ZNF195: variants seen among roughly 807,000 people sequenced by gnomAD.
ZNF195 encodes the protein zinc finger protein 195, also known as hypoxia-regulated factor-1.
A neutral mutation model predicts 19.5 loss-of-function variants in ZNF195; 11 were observed. The observed-to-expected ratio is 0.57, with a 90% confidence interval of 0.36 to 0.94. The LOEUF (loss-of-function observed/expected upper bound fraction) is 0.94, where lower values mean the gene tolerates loss of function less well. Among genes scored for constraint, ZNF195 ranks in the 40% least tolerant of loss-of-function variants. ZNF195 has a pLI of 0.01. For synonymous variants in ZNF195, 214 were observed against 248.1 expected (o/e 0.86, Z 1.29); for missense variants, 582 against 709.0 (o/e 0.82, Z 2.03).
chr11:3,365,595 A>G (rs1848839634), intron 3 of ZNF195, among the ~76,000 whole-genome samples: 1 of 152,240 alleles, frequency 6.6e-6, no homozygotes, highest in Non-Finnish European at 1.5e-5. Flanking sequence ...TGTAATCTCT[A>G]TCAAATTCCC....
chr11:3,360,068 C>A lies in ZNF195; in HGVS notation c.940G>T (p.Val314Phe), dbSNP rs1316821470. ...GCATAAATTCTATTTTTAGTAAGGA[C>A]TGAGCAAGTTTTAATGACGTTGTTA... ...ECNNVIKTCS[V>F]LTKNRIYAGG... Residue 314 changes from valine to phenylalanine, a missense_variant, in exon 6 of 6, where the codon GTC becomes TTC. Transcript: ENST00000399602. The A allele has an allele frequency of 6.2e-7, 1 of 1,614,102 alleles. No individual in the cohort carries two copies. The highest frequency in any genetic ancestry group is 1.7e-5 in the Admixed American group (1 of 60,020).
chr11:3,368,878 A>G (rs955060795), intron 3 of ZNF195: 8 of 454,922 alleles, frequency 1.8e-5, no homozygotes, highest in African/African-American at 1.0e-4. Flanking sequence ...AATACCCGCA[A>G]TCAAAATAAT....
At chr11:3,377,897 G>A (rs1159113377) in intron 1 of ZNF195, 2 of 986,962 alleles carry the variant, frequency 2.0e-6, no homozygotes, top group Admixed American at 1.2e-4. Flanking sequence ...TAAGGTGTCT[G>A]TGCCTAGGGA....
chr11:3,359,177 A>G lies in ZNF195; in HGVS notation c.1831T>C (p.Cys611Arg), dbSNP rs1848507873. 2 of 1,611,366 alleles carry G rather than the reference A, an allele frequency of 1.2e-6. No homozygotes were observed. The highest frequency in any genetic ancestry group is 1.7e-6 in the Non-Finnish European group (2 of 1,178,796). Residue 611 changes from cysteine (C) to arginine (R), a missense_variant, in exon 6 of 6, where the codon TGT becomes CGT. Cys to Arg is a radical substitution (Grantham distance 180, BLOSUM62 -3). This residue lies in a region of ZNF195 where 407 missense variants were observed against 530.5 expected (regional missense o/e 0.77). Transcript: ENST00000399602. The surrounding 1 kb of genome is among the most constrained non-coding windows in gnomAD (Gnocchi z 5.5). Reference sequence around the variant, plus strand: ...GAGAACTGGGTGAAGGCTTTGCCACACTTTTCACACTTGTAGGGTTTCTCT... The same window carrying G: ...GAGAACTGGGTGAAGGCTTTGCCACGCTTTTCACACTTGTAGGGTTTCTCT... Reference protein sequence around the residue: ...TGEKPYKCEKCGKAFTQFSHL... With the variant: ...TGEKPYKCEKRGKAFTQFSHL...
At chr11:3,370,783 A>C (rs936659465) in intron 3 of ZNF195, among the ~76,000 whole-genome samples, 192 bp downstream of exon 3, 6 of 152,356 alleles carry the variant, frequency 3.9e-5, no homozygotes, top group African/African-American at 1.4e-4. Flanking sequence ...CTAAACAGGA[A>C]GCAGAGTCTA....
chr11:3,371,817 T>TCTGCTA, intron 1 of ZNF195, 114 bp from the exon 2 acceptor site: 1 of 1,252,118 alleles, frequency 8.0e-7, no homozygotes, highest in Non-Finnish European at 1.1e-6. Context: ...AGGTAATTCT[T>TCTGCTA]AGCAGAAGAA....
Position 3,369,497 on chromosome 11 carries a change from C to T in ZNF195, c.226+1478G>A, listed in dbSNP as rs115968570. 1.6e-3 allele frequency: 726 copies of T among 451,730 alleles called. 4 individuals carry two copies. Among genetic ancestry groups the T allele is most frequent in the African/African-American group, 0.012 (608 of 49,980 alleles). 28.0% of individuals were successfully genotyped at this position (451,730 alleles called of 1,614,324 possible). On this transcript the variant is annotated intron_variant, in intron 3 of 5. Transcript: ENST00000399602. ...GATATAAAGACAAGCTAAACGTTTG[C>T]GGATGCTGAATGGATAAAGAAAATG... is the stretch of plus-strand genomic sequence containing the variant.
rs1564926495 is a variant in ZNF195, at chr11:3,372,643, A to AAATATCTCCCAGGTTCTGACAAATT, written c.4-941_4-940insAATTTGTCAGAACCTGGGAGATATT. ...AAATATCTCCCAGGTTCTGACAAAT[A>AAATATCTCCCAGGTTCTGACAAATT]AATATCTCCCAGGTTCTGACAAATA... On this transcript the variant is annotated intron_variant, in intron 1 of 5. Coordinates refer to ENST00000399602, the MANE Select transcript of ZNF195 (RefSeq NM_001130520.3). 5.2e-3 allele frequency among the ~76,000 whole-genome samples: 797 copies of AAATATCTCCCAGGTTCTGACAAATT among 152,214 alleles called. 5 individuals carry two copies. The highest frequency in any genetic ancestry group is 0.018 in the African/African-American group (729 of 41,498).
chr11:3,370,594 C>T (rs1054776867), intron 3 of ZNF195, among the ~76,000 whole-genome samples: 18 of 152,286 alleles, frequency 1.2e-4, no homozygotes, highest in African/African-American at 1.4e-4. Context: ...CCACGCCTCT[C>T]GCACACTTCA....
chr11:3,363,313 T>G (rs1032909224), intron 3 of ZNF195: 1 of 152,004 alleles, frequency 6.6e-6, no homozygotes, highest in Non-Finnish European at 1.5e-5. Flanking sequence ...CTCACAGATA[T>G]AGAGAGAACA....
rs997538138 is a variant in ZNF195 at position 3,379,109 on chromosome 11, C to A, written c.-69G>T. 1.0e-5 allele frequency: 15 copies of A among 1,439,724 alleles called. No homozygotes were observed. In the African/African-American group the frequency reaches 2.2e-4, roughly 21 times the overall value. The allele number at this position is 1,439,724 out of a possible 1,614,324, so 89.2% of individuals were successfully genotyped here. A position where few individuals can be genotyped will look rare whatever the true frequency, so the allele number is the denominator to read the frequency against. ...CGGTGCCTGCGGGTCACACGACCTACGGCTAGCAGGGGACACAGAGCCGCG... is the reference window on the plus strand; with the variant it reads ...CGGTGCCTGCGGGTCACACGACCTAAGGCTAGCAGGGGACACAGAGCCGCG... On this transcript the variant is annotated 5_prime_UTR_variant, in exon 1 of 6. Coordinates refer to ENST00000399602, the MANE Select transcript of ZNF195 (RefSeq NM_001130520.3).
In ZNF195 at chr11:3,367,719, C is replaced by T. The variant is rs116191828; in HGVS notation, c.226+3256G>A. 3.8e-3 allele frequency among the ~76,000 whole-genome samples: 572 copies of T among 151,954 alleles called. 15 individuals are homozygous for T. Among genetic ancestry groups the T allele is most frequent in the African/African-American group, 0.013 (529 of 41,316 alleles). On this transcript the variant is annotated intron_variant, in intron 3 of 5. Transcript: ENST00000399602. ...AGTCACTGATATATAAAATAAACATCTGGGAATAAATCATATTATTATTTA... is the reference window on the plus strand; with the variant it reads ...AGTCACTGATATATAAAATAAACATTTGGGAATAAATCATATTATTATTTA...
chr11:3,360,499 C>G lies in ZNF195; in HGVS notation c.509G>C (p.Arg170Thr), dbSNP rs2134686063. The change falls in exon 6 of 6, where the codon AGA becomes ACA. Residue 170 changes from arginine (R) to threonine (T), a missense_variant. This residue lies in a region of ZNF195 where 129 missense variants were observed against 112.1 expected (regional missense o/e 1.15). Transcript: ENST00000399602. The stretch of plus-strand genomic sequence containing the variant: ...ACAATTTCCATATCCTCTCAGTATT[C>G]TTTTTGGGAATGCATCTTGTATGCC... Reference protein sequence around the residue: ...EQGIQDAFPKRILRGYGNCGL... With the variant: ...EQGIQDAFPKTILRGYGNCGL... 6.2e-7 allele frequency: 1 copy of G among 1,601,658 alleles called. No individual in the cohort carries two copies. The highest frequency in any genetic ancestry group is 8.5e-7 in the Non-Finnish European group (1 of 1,177,632).
rs145731840 is a variant in ZNF195, at chr11:3,364,330, C to T, written c.227-2441G>A. Among the ~76,000 whole-genome samples the T allele has an allele frequency of 1.2e-3, 175 of 151,712 alleles. 1 individual carries two copies. Among genetic ancestry groups the T allele is most frequent in the African/African-American group, 4.0e-3 (164 of 41,320 alleles). On this transcript the variant is annotated intron_variant, in intron 3 of 5. Coordinates refer to ENST00000399602, the MANE Select transcript of ZNF195 (RefSeq NM_001130520.3). ...AGAAAAAATACTCAAAAGACTTCAT[C>T]GTATTAAAAAAGACAATGATGCTAG... is the stretch of plus-strand genomic sequence containing the variant.
At position 3,360,449 on chromosome 11, in the gene ZNF195, T is replaced by C. The variant is rs1318059305; in HGVS notation, c.559A>G (p.Lys187Glu). The change falls in exon 6 of 6, where the codon AAA becomes GAA. Residue 187 changes from lysine (K) to glutamate (E), a missense_variant. Physicochemically the swap from Lys to Glu is moderately conservative, Grantham distance 56 (BLOSUM62 1). This residue lies in a region of ZNF195 where 407 missense variants were observed against 530.5 expected (regional missense o/e 0.77). Transcript: ENST00000399602. ...NCGLDNLYLRKDWESLDECKL... is the reference protein window; with the variant it reads ...NCGLDNLYLREDWESLDECKL... ...CACTCATCTAAACTTTCCCAGTCTT[T>C]CCTTAAATATAAATTATCAAGGCCA... 1.2e-6 allele frequency: 2 copies of C among 1,612,396 alleles called. No individual in the cohort carries two copies. Among genetic ancestry groups the C allele is most frequent in the South Asian group, 2.2e-5 (2 of 90,898 alleles).
chr11:3,359,615 G>C lies in ZNF195; in HGVS notation c.1393C>G (p.Pro465Ala). ...TTCCCACATTCTTCACATTGGTAGG[G>C]TTTCTCTCCGGTGTGAATCCTCCTG... Reference protein sequence around the residue: ...EHRRIHTGEKPYQCEECGKVF... With the variant: ...EHRRIHTGEKAYQCEECGKVF... The change falls in exon 6 of 6, where the codon CCC (proline) becomes GCC (alanine). Residue 465 changes from proline to alanine, a missense_variant. Physicochemically the swap from Pro to Ala is conservative, Grantham distance 27. Transcript: ENST00000399602. This position sits in a 1 kb window ranked among gnomAD's most constrained non-coding sequence, Gnocchi z 5.5. 6.2e-7 allele frequency: 1 copy of C among 1,614,144 alleles called. No individual in the cohort carries two copies. The highest frequency in any genetic ancestry group is 2.2e-5 in the East Asian group (1 of 44,864).
chr11:3,372,039 T>G (rs1392611652), intron 1 of ZNF195, among the ~76,000 whole-genome samples: 2 of 152,208 alleles, frequency 1.3e-5, no homozygotes, highest in Non-Finnish European at 2.9e-5. Flanking sequence ...CCAATTTTCA[T>G]GTGTCCAATA....
rs1247309714 is a variant in ZNF195 at position 3,373,640 on chromosome 11, C to A, written c.4-1937G>T. ...CTGGGATTTCCTCTTAGGAAAGATT[C>A]TCTGGACAAATCACACCTGCATCGT... is the stretch of plus-strand genomic sequence containing the variant. On this transcript the variant is annotated intron_variant, in intron 1 of 5. Transcript: ENST00000399602. The A allele has an allele frequency of 1.9e-6, 3 of 1,548,738 alleles. No individual in the cohort carries two copies. The Admixed American group carries it at 5.9e-5, about 30-fold the overall frequency.
chr11:3,369,776 G>T (rs984912716), intron 3 of ZNF195, among the ~76,000 whole-genome samples: 5 of 152,220 alleles, frequency 3.3e-5, no homozygotes, highest in East Asian at 3.8e-4. Context: ...ACTTTCAGTT[G>T]TAAGATGAGT....
Sources: gnomAD v4.1 joint callset for allele counts (sites outside exome capture counted in the v4.1 genomes callset) on GRCh38, gnomAD v4.1.1 for gene constraint, gnomAD v4.1.1 regional missense constraint, Gnocchi (gnomAD v3.1) non-coding constraint, MANE v1.5 for transcripts, NCBI Gene and HGNC (gene_info 2026-07-23, HGNC 2026-07-21) for gene names.